Variants in PCDHGB2 observed in about 807,000 individuals in gnomAD.
PCDHGB2 encodes protocadherin gamma subfamily B, 2, also known as protocadherin gamma-B2.
In PCDHGB2, 55 loss-of-function variants were observed where a neutral mutation model predicts 59.3. That is an observed-to-expected ratio of 0.93 (90% confidence interval 0.75 to 1.16). The LOEUF is 1.16. Among genes scored for constraint, PCDHGB2 ranks in the 50% most tolerant of loss-of-function variants. The pLI is 0.00. For synonymous variants in PCDHGB2, 516 were observed against 512.0 expected (o/e 1.01, Z -0.11); for missense variants, 1,228 against 1,198.5 (o/e 1.02, Z -0.36).
At position 141,360,885 on chromosome 5, in the gene PCDHGB2, C is replaced by T. The variant is rs762942158; in HGVS notation, c.750C>T (p.Thr250=). 3 of 1,614,014 alleles carry T rather than the reference C, an allele frequency of 1.9e-6. No homozygotes were observed. The East Asian group carries it at 6.7e-5, about 36-fold the overall frequency. Residue 250 remains threonine (T), a synonymous_variant, in exon 1 of 4, where the codon ACC becomes ACT. Coordinates refer to ENST00000522605, the MANE Select transcript of PCDHGB2 (RefSeq NM_018923.3). ...PVFSQDVYRV[T]LREDVPPGFF... ...TCAGCCAGGACGTGTACAGGGTCACCCTGAGGGAGGACGTGCCGCCGGGCT... is the reference window on the plus strand; with the variant it reads ...TCAGCCAGGACGTGTACAGGGTCACTCTGAGGGAGGACGTGCCGCCGGGCT...
At chr5:141,415,176 C>G (rs773987499) in intron 1 of PCDHGB2, 17 of 1,613,816 alleles carry the variant, frequency 1.1e-5, no homozygotes, top group Non-Finnish European at 5.1e-6. Flanking sequence ...TCACCGTGGC[C>G]GTGGCCGACA....
intron 1 of PCDHGB2, chr5:141,377,572 G>A (rs1046181930): frequency 4.6e-5 from 7 of 151,346 alleles, no homozygotes; most frequent in Admixed American, 1.3e-4. Context: ...CCCTAGCCTG[G>A]GAGACAGAAT....
rs989554651 is a variant in PCDHGB2 at position 141,372,743 on chromosome 5, T to C, written c.2421+10187T>C. 8 of 1,613,498 alleles carry C rather than the reference T, an allele frequency of 5.0e-6. No homozygotes were observed. In the Admixed American group the frequency reaches 5.0e-5, roughly 10 times the overall value. On this transcript the variant is annotated intron_variant, in intron 1 of 3. Transcript: ENST00000522605. ...CTGCACCACAAGATCTTCTATGTGA[T>C]GAAGCCTCTTGGTTTGAAAGTAATG...
In PCDHGB2 at chr5:141,432,446, C is replaced by T. The variant is rs765059815; in HGVS notation, c.2422-62361C>T. The T allele has an allele frequency of 1.2e-6, 2 of 1,614,256 alleles. No individual in the cohort carries two copies. Among genetic ancestry groups the T allele is most frequent in the Non-Finnish European group, 8.5e-7 (1 of 1,180,052 alleles). On this transcript the variant is annotated intron_variant, in intron 1 of 3. Transcript: ENST00000522605. The surrounding 1 kb of genome is among the most constrained non-coding windows in gnomAD (Gnocchi z 6.0). ...CCAGAACGACAATGCGCCCGAGATC[C>T]TGTACCCCGCCCTCCCCACGGACGG...
chr5:141,505,434 A>C lies in PCDHGB2; in HGVS notation c.2522A>C (p.Gln841Pro), dbSNP rs1417754900. 1 of 1,614,198 alleles carries C rather than the reference A, an allele frequency of 6.2e-7. No homozygotes were observed. The highest frequency in any genetic ancestry group is 1.7e-5 in the Admixed American group (1 of 60,032). The change falls in exon 3 of 4, where the codon CAG (glutamine) becomes CCG (proline). Residue 841 changes from glutamine (Q) to proline (P), a missense_variant. Gln to Pro is a moderately conservative substitution (Grantham distance 76). Around this residue, in one of 3 missense-constraint regions of PCDHGB2, gnomAD observed 433 missense variants for 441.8 expected, o/e 0.98. Coordinates refer to ENST00000522605, the MANE Select transcript of PCDHGB2 (RefSeq NM_018923.3). ...GACACCGGCACCTGGCCCAACAACCAGTTTGACACAGAGATGCTGCAAGCC... is the reference window on the plus strand; with the variant it reads ...GACACCGGCACCTGGCCCAACAACCCGTTTGACACAGAGATGCTGCAAGCC... ...GDDTGTWPNN[Q>P]FDTEMLQAMI...
chr5:141,404,225 A>G, intron 1 of PCDHGB2: 6 of 1,613,828 alleles, frequency 3.7e-6, no homozygotes, highest in Non-Finnish European at 5.1e-6. Context: ...GGTGACTGCA[A>G]CAGACAGAGG....
chr5:141,490,730 A>C lies in PCDHGB2; in HGVS notation c.2422-4077A>C. On this transcript the variant is annotated intron_variant, in intron 1 of 3. Coordinates refer to ENST00000522605, the MANE Select transcript of PCDHGB2 (RefSeq NM_018923.3). This position sits in a 1 kb window ranked among gnomAD's most constrained non-coding sequence, Gnocchi z 5.4. ...CTCACCTACTCCATTGTAGGAAATC[A>C]GGTTCAGGGAGCCCCAGCCTCCTCC... 6.2e-7 allele frequency: 1 copy of C among 1,614,188 alleles called. No homozygotes were observed. Among genetic ancestry groups the C allele is most frequent in the Non-Finnish European group, 8.5e-7 (1 of 1,180,024 alleles).
chr5:141,414,576 G>A, intron 1 of PCDHGB2: 1 of 1,613,898 alleles, frequency 6.2e-7, no homozygotes, highest in Non-Finnish European at 8.5e-7. Context: ...ATATCCCAGA[G>A]AACAACGCCA....
intron 1 of PCDHGB2, among the ~76,000 whole-genome samples, chr5:141,381,826 CTTTTTTTTTTTTTT>C (rs770630741): frequency 1.3e-5 from 1 of 74,284 alleles, no homozygotes; most frequent in Non-Finnish European, 2.4e-5. Context: ...CTTTCTTCTT[CTTTTTTTTTTTTTT>C]TTTTTTTTGG....
intron 3 of PCDHGB2, chr5:141,507,424 G>C (rs577364087): frequency 6.6e-6 from 1 of 152,202 alleles, no homozygotes; most frequent in African/African-American, 2.4e-5. Context: ...GGTTAAGTGG[G>C]GCCAGGCCTA....
chr5:141,413,891 C>G, intron 1 of PCDHGB2: 1 of 1,613,382 alleles, frequency 6.2e-7, no homozygotes, highest in East Asian at 2.2e-5. Flanking sequence ...GTCTTCGATG[C>G]AAATGACAAC....
At chr5:141,411,161 A>G (rs2095470005) in intron 1 of PCDHGB2, 1 of 152,284 alleles carries the variant, frequency 6.6e-6, no homozygotes, top group Non-Finnish European at 1.5e-5. Context: ...AGTTCTGACT[A>G]TCGAACAGAA....
chr5:141,510,582 A>G (rs1156375287), intron 3 of PCDHGB2, among the ~76,000 whole-genome samples: 2 of 152,166 alleles, frequency 1.3e-5, no homozygotes, highest in Non-Finnish European at 2.9e-5. Context: ...TATTTTACGT[A>G]CCTGACATAC....
At chr5:141,389,714 C>A in intron 1 of PCDHGB2, 1 of 1,612,536 alleles carries the variant, frequency 6.2e-7, no homozygotes, top group South Asian at 1.1e-5. Flanking sequence ...TGCAGGCTAG[C>A]GAGCCCGGGC....
At chr5:141,391,607 A>G (rs1436377162) in intron 1 of PCDHGB2, 1 of 152,212 alleles carries the variant, frequency 6.6e-6, no homozygotes, top group Non-Finnish European at 1.5e-5. Flanking sequence ...TTCAGATTTC[A>G]TGAGTGGTTT....
rs1316573600 is a variant in PCDHGB2 at position 141,490,443 on chromosome 5, G to A, written c.2422-4364G>A. The A allele has an allele frequency of 1.2e-6, 2 of 1,614,174 alleles. No individual in the cohort carries two copies. Among genetic ancestry groups the A allele is most frequent in the Non-Finnish European group, 8.5e-7 (1 of 1,180,042 alleles). On this transcript the variant is annotated intron_variant, in intron 1 of 3. Coordinates refer to ENST00000522605, the MANE Select transcript of PCDHGB2 (RefSeq NM_018923.3). The surrounding 1 kb of genome is among the most constrained non-coding windows in gnomAD (Gnocchi z 5.4). ...TGCCATTTCAGATTAAGCCTTCTGA[G>A]AACCACTACTCGCTGCTAACCAGCC...
chr5:141,479,521 T>A (rs4912607), intron 1 of PCDHGB2: 2 of 152,104 alleles, frequency 1.3e-5, no homozygotes, highest in Non-Finnish European at 2.9e-5. Context: ...CTGGCCCAGG[T>A]TGGAAGTGGA....
chr5:141,383,512 G>A (rs755956919), intron 1 of PCDHGB2: 4 of 1,612,576 alleles, frequency 2.5e-6, no homozygotes, highest in Non-Finnish European at 2.5e-6. Context: ...CCGGGAGGAA[G>A]AGCGGGTTCA....
At position 141,431,595 on chromosome 5, in the gene PCDHGB2, A is replaced by G; in HGVS notation, c.2422-63212A>G. The G allele has an allele frequency of 6.2e-7, 1 of 1,614,218 alleles. No homozygotes were observed. The highest frequency in any genetic ancestry group is 8.5e-7 in the Non-Finnish European group (1 of 1,180,034). On this transcript the variant is annotated intron_variant, in intron 1 of 3. Transcript: ENST00000522605. The surrounding 1 kb of genome is among the most constrained non-coding windows in gnomAD (Gnocchi z 4.8). Reference sequence around the variant, plus strand: ...GAAGGAGTCAATGCGGAAGTGAGGTATTCCTTCCGGTATGTGGACGACAAG... The same window carrying G: ...GAAGGAGTCAATGCGGAAGTGAGGTGTTCCTTCCGGTATGTGGACGACAAG...
Sources: allele counts gnomAD v4.1 joint callset (sites outside exome capture counted in the v4.1 genomes callset), GRCh38; gene constraint gnomAD v4.1.1; regional missense constraint gnomAD v4.1.1; non-coding constraint Gnocchi (gnomAD v3.1); transcripts MANE v1.5; gene names NCBI Gene and HGNC (gene_info 2026-07-23, HGNC 2026-07-21).